Variants in CDH3 observed in about 807,000 individuals in gnomAD.
CDH3 encodes the protein cadherin-3.
CDH3 carries 54 observed loss-of-function variants against 82.0 expected under a neutral mutation model. The ratio of observed to expected loss-of-function variants is 0.66; its 90% CI spans 0.53 to 0.83. The LOEUF is 0.83. Ranked by LOEUF, CDH3 falls within the 40% of genes least tolerant of loss-of-function variation. CDH3 has a pLI of 0.00. For synonymous variants in CDH3, 446 were observed against 437.9 expected (o/e 1.02, Z -0.23); for missense variants, 1,054 against 1,084.6 (o/e 0.97, Z 0.40).
intron 2 of CDH3, among the ~76,000 whole-genome samples, chr16:68,673,915 G>GA (rs763761461): frequency 0.021 from 3,051 of 144,846 alleles, 36 homozygotes; most frequent in Non-Finnish European, 0.031. Flanking sequence ...CTCCATCTCA[G>GA]AAAAAAAAAA....
intron 2 of CDH3, among the ~76,000 whole-genome samples, chr16:68,665,957 TG>T (rs1960722739): frequency 6.6e-6 from 1 of 152,206 alleles, no homozygotes; most frequent in South Asian, 2.1e-4. Flanking sequence ...ACATGTTTAC[TG>T]TGGAAAAACT....
chr16:68,654,713 A>AAAT (rs113117523), intron 2 of CDH3, among the ~76,000 whole-genome samples: 4 of 91,110 alleles, frequency 4.4e-5, no homozygotes, highest in African/African-American at 1.7e-4. Flanking sequence ...AAAAAAAAAA[A>AAAT]ATATATATAT....
chr16:68,733,734 C>T, the CDH3 span, among the ~76,000 whole-genome samples: 1 of 152,110 alleles, frequency 6.6e-6, no homozygotes, highest in Admixed American at 6.6e-5. Flanking sequence ...AGAGCAAGAC[C>T]TTGTCACTAA....
chr16:68,713,176 A>G (rs1041870682), intron 1 of CDH3, among the ~76,000 whole-genome samples: 1 of 152,000 alleles, frequency 6.6e-6, no homozygotes, highest in African/African-American at 2.4e-5. Context: ...TTAAATGTTG[A>G]TCTATCTCAT....
chr16:68,683,426 T>A (rs1215209427), intron 9 of CDH3, among the ~76,000 whole-genome samples: 1 of 149,432 alleles, frequency 6.7e-6, no homozygotes, highest in Non-Finnish European at 1.5e-5. Context: ...CCGAGGTGGG[T>A]GGATCACGAG....
At chr16:68,647,122 G>T (rs1401413039) in intron 2 of CDH3, among the ~76,000 whole-genome samples, 1 of 152,132 alleles carries the variant, frequency 6.6e-6, no homozygotes, top group Non-Finnish European at 1.5e-5. Flanking sequence ...TTGCGCAGGG[G>T]TTTATTACTG....
rs148063369 is a variant in CDH3 at position 68,678,797 on chromosome 16, A to G, written c.582A>G (p.Ser194=). 24 of 1,614,058 alleles carry G rather than the reference A, an allele frequency of 1.5e-5. No individual in the cohort carries two copies. The highest frequency in any genetic ancestry group is 1.9e-5 in the Non-Finnish European group (23 of 1,180,030). ...ACGCTGTGTCAGAGAATGGTGCCTCAGTGGAGGACCCCATGAACATCTCCA... is the reference window on the plus strand; with the variant it reads ...ACGCTGTGTCAGAGAATGGTGCCTCGGTGGAGGACCCCATGAACATCTCCA... The part of the protein sequence containing the change: ...FGHAVSENGA[S]VEDPMNISII... The change falls in exon 6 of 16, where the codon TCA becomes TCG. Residue 194 remains serine, a synonymous_variant. Coordinates refer to ENST00000264012, the MANE Select transcript of CDH3 (RefSeq NM_001793.6).
At chr16:68,686,892 C>T (rs1037221362) in intron 11 of CDH3, among the ~76,000 whole-genome samples, 20 of 152,208 alleles carry the variant, frequency 1.3e-4, no homozygotes, top group Non-Finnish European at 2.8e-4. Flanking sequence ...CACCTTAACC[C>T]AGGAGGTGGT....
At chr16:68,724,055 C>A (rs1274079923) in intron 2 of CDH3, among the ~76,000 whole-genome samples, 3 of 123,106 alleles carry the variant, frequency 2.4e-5, no homozygotes, top group East Asian at 4.6e-4. Context: ...GGCGACAGAG[C>A]GAGACTCCGT....
In CDH3 at chr16:68,672,125, G is replaced by A. The variant is rs564098330; in HGVS notation, c.161-4260G>A. Among the ~76,000 whole-genome samples, 625 of 151,398 alleles carry A rather than the reference G, an allele frequency of 4.1e-3. 3 individuals are homozygous for A. Among genetic ancestry groups the A allele is most frequent in the African/African-American group, 0.014 (591 of 41,296 alleles). On this transcript the variant is annotated intron_variant, in intron 2 of 15. Coordinates refer to ENST00000264012, the MANE Select transcript of CDH3 (RefSeq NM_001793.6). ...GAGAATGGCGTGAACCCCAGGGGGC[G>A]GAGCCTGCAGTGAGCCGAGATTGCG...
chr16:68,691,867 C>G lies in CDH3; in HGVS notation c.1943C>G (p.Pro648Arg), dbSNP rs1678171762. The change falls in exon 13 of 16, where the codon CCT becomes CGT. Residue 648 changes from proline to arginine, a missense_variant. Coordinates refer to ENST00000264012, the MANE Select transcript of CDH3 (RefSeq NM_001793.6). ...TGCCATGGCCATGTCGAAACCTGCC[C>G]TGGACCCTGGAAGGGAGGTTTCATC... is the stretch of plus-strand genomic sequence containing the variant. Reference protein sequence around the residue: ...CDCHGHVETCPGPWKGGFILP... With the variant: ...CDCHGHVETCRGPWKGGFILP... 1.2e-6 allele frequency: 2 copies of G among 1,614,004 alleles called. No individual in the cohort carries two copies. The highest frequency in any genetic ancestry group is 1.3e-5 in the African/African-American group (1 of 74,906).
At chr16:68,701,927 G>C (rs993251232), downstream of CDH3, among the ~76,000 whole-genome samples, 2 of 151,898 alleles carry the variant, frequency 1.3e-5, no homozygotes, top group Non-Finnish European at 2.9e-5. Context: ...GGGAGGCTGA[G>C]GCAGGAGAGT....
intron 2 of CDH3, among the ~76,000 whole-genome samples, chr16:68,664,550 G>A (rs1013524966): frequency 3.9e-5 from 6 of 152,210 alleles, no homozygotes; most frequent in Non-Finnish European, 7.3e-5. Context: ...TATCAGCTAT[G>A]TTTGGGAATC....
intron 2 of CDH3, among the ~76,000 whole-genome samples, chr16:68,673,233 T>C (rs1960935640): frequency 6.6e-6 from 1 of 152,222 alleles, no homozygotes; most frequent in Non-Finnish European, 1.5e-5. Flanking sequence ...CCAAAGTGAT[T>C]GTCTTCCCAT....
chr16:68,684,679 A>G lies in CDH3; in HGVS notation c.1279A>G (p.Ile427Val), dbSNP rs201586086. 1 of 1,614,188 alleles carries G rather than the reference A, an allele frequency of 6.2e-7. No individual in the cohort carries two copies. Among genetic ancestry groups the G allele is most frequent in the African/African-American group, 1.3e-5 (1 of 75,046 alleles). The change falls in exon 10 of 16, where the codon ATA becomes GTA. Residue 427 changes from isoleucine to valine, a missense_variant. Coordinates refer to ENST00000264012, the MANE Select transcript of CDH3 (RefSeq NM_001793.6). ...VLKLPTSTAT[I>V]VVHVEDVNEA... ...GAAGCTCCCAACCTCCACAGCCACC[A>G]TAGTGGTCCACGTGGAGGATGTGAA...
intron 2 of CDH3, among the ~76,000 whole-genome samples, chr16:68,654,337 G>A (rs1960343931): frequency 7.0e-6 from 1 of 143,136 alleles, no homozygotes; most frequent in Admixed American, 7.1e-5. Context: ...GGGATTACAG[G>A]TGTGAGCCAC....
intron 14 of CDH3, 28 bp from the exon 15 acceptor site, chr16:68,695,749 T>C: frequency 1.2e-6 from 2 of 1,613,080 alleles, no homozygotes; most frequent in Non-Finnish European, 1.7e-6. Context: ...GAGTCCTCAG[T>C]CACCTGCTCT....
chr16:68,661,226 A>G (rs1374980225), intron 2 of CDH3, among the ~76,000 whole-genome samples: 1 of 152,224 alleles, frequency 6.6e-6, no homozygotes, highest in East Asian at 1.9e-4. Flanking sequence ...TGAAGTTTGC[A>G]TGAAATATAT....
chr16:68,670,972 C>G (rs2152096674), intron 2 of CDH3, among the ~76,000 whole-genome samples: 1 of 152,200 alleles, frequency 6.6e-6, no homozygotes, highest in Non-Finnish European at 1.5e-5. Context: ...ACTCAAGAGG[C>G]TGAGGCAAGA....
Sources: allele counts gnomAD v4.1 joint callset (sites outside exome capture counted in the v4.1 genomes callset), GRCh38; gene constraint gnomAD v4.1.1; transcripts MANE v1.5; gene names NCBI Gene and HGNC (gene_info 2026-07-23, HGNC 2026-07-21).